PCDH15: variants seen among roughly 807,000 people sequenced by gnomAD.
The protein encoded by PCDH15 is protocadherin-15.
PCDH15 carries 129 observed loss-of-function variants against 178.5 expected under a neutral mutation model. The ratio of observed to expected loss-of-function variants is 0.72; its 90% CI spans 0.63 to 0.84. PCDH15 has a LOEUF of 0.84. PCDH15 is among the 40% of genes least tolerant of loss of function. The pLI is 0.00. For missense variants in PCDH15, 2,230 were observed against 2,099.9 expected, an observed-to-expected ratio of 1.06 and a Z score of -1.21; for synonymous variants, 800 against 732.0, an observed-to-expected ratio of 1.09 and a Z score of -1.50.
In PCDH15 at chr10:55,415,355, T is replaced by C. The variant is rs554967347; in HGVS notation, c.-156+212270A>G. 9.9e-5 allele frequency among the ~76,000 whole-genome samples: 15 copies of C among 151,830 alleles called. No individual in the cohort carries two copies. In the South Asian group the frequency reaches 2.7e-3, roughly 27 times the overall value. On this transcript the variant is annotated intron_variant, in intron 2 of 5. Coordinates refer to the PCDH15 transcript ENST00000613346. ...CAGAGCACTGCTAAAATAATCCTTT[T>C]TAATTTTTTCCTTGGTCATATAATA...
intron 3 of PCDH15, among the ~76,000 whole-genome samples, chr10:54,862,987 A>G (rs1378952160): frequency 2.6e-5 from 4 of 152,228 alleles, no homozygotes; most frequent in African/African-American, 4.8e-5. Context: ...TATAGTAACT[A>G]TAAACATATT....
At chr10:55,069,588 C>T (rs1423844724) in intron 2 of PCDH15, among the ~76,000 whole-genome samples, 7 of 144,252 alleles carry the variant, frequency 4.9e-5, no homozygotes, top group African/African-American at 1.8e-4. Flanking sequence ...TCATCCATGT[C>T]CCTACAAAGG....
chr10:55,293,919 G>A (rs1000766325), intron 1 of PCDH15, among the ~76,000 whole-genome samples: 2 of 151,934 alleles, frequency 1.3e-5, no homozygotes, highest in African/African-American at 4.8e-5. Flanking sequence ...CACATTTTGG[G>A]GTATCTTTTC....
intron 2 of PCDH15, among the ~76,000 whole-genome samples, chr10:55,463,977 A>AAGAAAG (rs1839759519): frequency 3.0e-5 from 1 of 33,826 alleles, no homozygotes. Flanking sequence ...AAGAAAGAGA[A>AAGAAAG]AGAAAGAAAG....
chr10:54,140,126 T>C (rs774113547), intron 14 of PCDH15, among the ~76,000 whole-genome samples: 1 of 152,190 alleles, frequency 6.6e-6, no homozygotes. Context: ...ATTAGCATTG[T>C]TCATAGTTAA....
intron 13 of PCDH15, among the ~76,000 whole-genome samples, chr10:54,169,736 A>G (rs1417788091): frequency 6.6e-6 from 1 of 151,582 alleles, no homozygotes; most frequent in Non-Finnish European, 1.5e-5. Flanking sequence ...ACCCCACTCA[A>G]CGCCGACATC....
At chr10:55,322,426 C>G (rs1165630448), upstream of PCDH15, among the ~76,000 whole-genome samples, 1 of 152,026 alleles carries the variant, frequency 6.6e-6, no homozygotes, top group Non-Finnish European at 1.5e-5. Context: ...AATGTGGAAG[C>G]ACATTTGGAA....
At chr10:55,457,214 G>T (rs1248162564) in intron 2 of PCDH15, among the ~76,000 whole-genome samples, 5 of 151,988 alleles carry the variant, frequency 3.3e-5, no homozygotes, top group Non-Finnish European at 5.9e-5. Context: ...TTTATTTAGG[G>T]CAATTCAACA....
At chr10:54,067,956 A>AT (rs147883423) in intron 17 of PCDH15, among the ~76,000 whole-genome samples, 28,065 of 151,298 alleles carry the variant, frequency 0.19, 2,941 homozygotes, top group Non-Finnish European at 0.25. Flanking sequence ...GAGTCAAGTG[A>AT]TTTTTTTTAT....
rs1841086580 is a variant in PCDH15, at chr10:53,805,391, G to C, written c.*1188C>G. 6.6e-6 allele frequency: 1 copy of C among 151,940 alleles called. No homozygotes were observed. The highest frequency in any genetic ancestry group is 1.5e-5 in the Non-Finnish European group (1 of 67,954). The allele number at this position is 151,940 out of a possible 1,614,324, so 9.4% of individuals were successfully genotyped here. A position where few individuals can be genotyped will look rare whatever the true frequency, so the allele number is the denominator to read the frequency against. On this transcript the variant is annotated 3_prime_UTR_variant, in exon 38 of 38. Coordinates refer to ENST00000644397, the MANE Select transcript of PCDH15 (RefSeq NM_001384140.1). ...CAACACACAAGGCAAGTTTTTTAAAGGATATTCTGTTTTCATTTCTACTTA... is the reference window on the plus strand; with the variant it reads ...CAACACACAAGGCAAGTTTTTTAAACGATATTCTGTTTTCATTTCTACTTA...
At chr10:54,631,923 C>T (rs1044784628) in intron 2 of PCDH15, among the ~76,000 whole-genome samples, 4 of 152,064 alleles carry the variant, frequency 2.6e-5, no homozygotes, top group Admixed American at 2.0e-4. Flanking sequence ...CGTGATTCAA[C>T]TACCTTCACC....
At chr10:54,847,198 A>T (rs890627584) in intron 3 of PCDH15, among the ~76,000 whole-genome samples, 1 of 152,060 alleles carries the variant, frequency 6.6e-6, no homozygotes, top group Non-Finnish European at 1.5e-5. Context: ...GACTAAATCA[A>T]TTTGCTTGCT....
chr10:54,541,304 A>G (rs771274504), intron 2 of PCDH15, among the ~76,000 whole-genome samples: 70 of 152,170 alleles, frequency 4.6e-4, no homozygotes, highest in Non-Finnish European at 8.4e-4. Context: ...GTATAGTTTG[A>G]GGATACAAAT....
At chr10:54,247,542 T>C (rs1198057054) in intron 8 of PCDH15, among the ~76,000 whole-genome samples, 1 of 151,986 alleles carries the variant, frequency 6.6e-6, no homozygotes, top group Admixed American at 6.6e-5. Flanking sequence ...ATCTTTGAGC[T>C]TCCTAAATTG....
intron 1 of PCDH15, among the ~76,000 whole-genome samples, chr10:55,259,089 T>C (rs1266035375): frequency 6.6e-6 from 1 of 152,174 alleles, no homozygotes; most frequent in African/African-American, 2.4e-5. Context: ...GATTAAGCCA[T>C]TCTTCCTTGG....
intron 3 of PCDH15, among the ~76,000 whole-genome samples, chr10:54,470,004 G>A (rs1336642150): frequency 6.6e-6 from 1 of 152,182 alleles, no homozygotes; most frequent in Non-Finnish European, 1.5e-5. Context: ...ACAGGCCCTT[G>A]AAGGGTGTGC....
intron 3 of PCDH15, among the ~76,000 whole-genome samples, chr10:54,895,981 G>A (rs1436550256): frequency 2.0e-5 from 3 of 151,958 alleles, no homozygotes; most frequent in Non-Finnish European, 2.9e-5. Flanking sequence ...CCGCCTCCCG[G>A]GTTCAAGCGA....
At chr10:54,857,512 T>C (rs1387693023) in intron 3 of PCDH15, among the ~76,000 whole-genome samples, 2 of 152,168 alleles carry the variant, frequency 1.3e-5, no homozygotes, top group Non-Finnish European at 2.9e-5. Flanking sequence ...GTGGTATGAA[T>C]CATAGCTCAC....
chr10:54,019,458 T>C (rs1469895890), intron 20 of PCDH15, among the ~76,000 whole-genome samples: 6 of 152,082 alleles, frequency 3.9e-5, no homozygotes, highest in Admixed American at 3.9e-4. Flanking sequence ...AGGTCCTTCT[T>C]TGGGGAAGGA....
Sources: gnomAD v4.1 joint callset for allele counts (sites outside exome capture counted in the v4.1 genomes callset) on GRCh38, gnomAD v4.1.1 for gene constraint, MANE v1.5 for transcripts, NCBI Gene and HGNC (gene_info 2026-07-23, HGNC 2026-07-21) for gene names.